The following CNTNAP5 variants were observed in gnomAD, a reference collection of about 807,000 sequenced individuals.
CNTNAP5 encodes the protein contactin associated protein family member 5.
Under a neutral mutation model 150.2 loss-of-function variants are expected in CNTNAP5, and 72 were observed. The observed-to-expected ratio is 0.48, with a 90% confidence interval of 0.40 to 0.58. The LOEUF is 0.58. Among genes scored for constraint, CNTNAP5 ranks in the 20% least tolerant of loss-of-function variants. CNTNAP5 has a pLI of 0.00. For synonymous variants in CNTNAP5, 672 were observed against 619.8 expected (o/e 1.08, Z -1.25); for missense variants, 1,636 against 1,626.2 (o/e 1.01, Z -0.10).
chr2:124,602,630 A>C (rs1375337413), intron 11 of CNTNAP5, among the ~76,000 whole-genome samples: 1 of 152,004 alleles, frequency 6.6e-6, no homozygotes, highest in Non-Finnish European at 1.5e-5. Context: ...GGTAGCTGAG[A>C]CTATAGGCAC....
At chr2:124,064,604 A>G (rs1323109805) in intron 1 of CNTNAP5, among the ~76,000 whole-genome samples, 1 of 152,140 alleles carries the variant, frequency 6.6e-6, no homozygotes, top group Non-Finnish European at 1.5e-5. Flanking sequence ...TTCTTGACTT[A>G]CAGAGCATCT....
chr2:124,453,974 A>T (rs767930150), intron 6 of CNTNAP5, among the ~76,000 whole-genome samples: 6 of 152,166 alleles, frequency 3.9e-5, no homozygotes, highest in Non-Finnish European at 8.8e-5. Context: ...CAAAAAATAC[A>T]ATTGAAAAAA....
In CNTNAP5 at chr2:124,815,124, T is replaced by C. The variant is rs796088258; in HGVS notation, c.3217+16804T>C. ...CCAGCTCTCCGTAGCAATAACTAAGTAAGCCTGGGTGTCCAGCAACATAGG... is the reference window on the plus strand; with the variant it reads ...CCAGCTCTCCGTAGCAATAACTAAGCAAGCCTGGGTGTCCAGCAACATAGG... On this transcript the variant is annotated intron_variant, in intron 19 of 23. Transcript: ENST00000682447. Among the ~76,000 whole-genome samples the C allele has an allele frequency of 9.8e-5, 15 of 152,322 alleles. 1 individual carries two copies. Among genetic ancestry groups the C allele is most frequent in the African/African-American group, 3.4e-4 (14 of 41,576 alleles).
chr2:124,770,619 T>G (rs1681169412), intron 16 of CNTNAP5, among the ~76,000 whole-genome samples: 1 of 152,322 alleles, frequency 6.6e-6, no homozygotes, highest in South Asian at 2.1e-4. Flanking sequence ...CAGGTGGCAC[T>G]GGTGATCTGA....
At chr2:124,796,543 G>A (rs918533473) in intron 18 of CNTNAP5, among the ~76,000 whole-genome samples, 2 of 152,156 alleles carry the variant, frequency 1.3e-5, no homozygotes, top group Non-Finnish European at 2.9e-5. Flanking sequence ...CACTTTCTCT[G>A]AACCTTTAGT....
chr2:124,753,994 C>A (rs1027929264), intron 14 of CNTNAP5, among the ~76,000 whole-genome samples: 18 of 152,166 alleles, frequency 1.2e-4, no homozygotes, highest in Non-Finnish European at 2.2e-4. Flanking sequence ...TCCCCAAGGG[C>A]CCTGCATTCC....
At chr2:124,553,708 C>T (rs972584716) in intron 10 of CNTNAP5, among the ~76,000 whole-genome samples, 1 of 152,066 alleles carries the variant, frequency 6.6e-6, no homozygotes, top group South Asian at 2.1e-4. Context: ...TTTGGGTGAA[C>T]AACTTGGCCA....
intron 14 of CNTNAP5, 78 bp from the exon 15 acceptor site, chr2:124,763,594 G>T: frequency 6.9e-7 from 1 of 1,446,766 alleles, no homozygotes. Context: ...AATCACTTCT[G>T]AAAAGAGGGG....
chr2:124,892,680 A>C (rs1301121436), intron 21 of CNTNAP5, among the ~76,000 whole-genome samples: 1 of 152,112 alleles, frequency 6.6e-6, no homozygotes, highest in Non-Finnish European at 1.5e-5. Context: ...TTGCTTGAAG[A>C]GCTAAGCAGG....
At chr2:124,033,997 A>G (rs62161934) in intron 1 of CNTNAP5, among the ~76,000 whole-genome samples, 2,763 of 152,292 alleles carry the variant, frequency 0.018, 34 homozygotes, top group Non-Finnish European at 0.029. Flanking sequence ...GGAAGGAGAA[A>G]GAACAGGGAT....
intron 11 of CNTNAP5, among the ~76,000 whole-genome samples, chr2:124,568,569 T>G (rs971164452): frequency 1.1e-4 from 16 of 152,206 alleles, no homozygotes; most frequent in African/African-American, 3.9e-4. Flanking sequence ...CTAAATATTA[T>G]TTTAATAACT....
rs757718414 is a variant in CNTNAP5 at position 124,789,944 on chromosome 2, G to A, written c.2795G>A (p.Arg932His). Residue 932 changes from arginine (R) to histidine (H), a missense_variant, in exon 18 of 24, where the codon CGC (arginine) becomes CAC (histidine). By Grantham distance (29) the Arg-to-His change is conservative. Coordinates refer to ENST00000682447, the MANE Select transcript of CNTNAP5 (RefSeq NM_001367498.1). Reference sequence around the variant, plus strand: ...CAGAAAGGCTTCCTAGGATGCATTCGCTCCTTACACTTGAATGGACAGAAA... The same window carrying A: ...CAGAAAGGCTTCCTAGGATGCATTCACTCCTTACACTTGAATGGACAGAAA... ...SRQKGFLGCI[R>H]SLHLNGQKMD... 8 of 1,613,566 alleles carry A rather than the reference G, an allele frequency of 5.0e-6. No homozygotes were observed. Among genetic ancestry groups the A allele is most frequent in the African/African-American group, 1.3e-5 (1 of 74,902 alleles).
At chr2:124,851,372 T>G (rs1047107958) in intron 19 of CNTNAP5, among the ~76,000 whole-genome samples, 6 of 152,140 alleles carry the variant, frequency 3.9e-5, no homozygotes, top group Admixed American at 1.3e-4. Flanking sequence ...AGAAAGAAAG[T>G]TGCAGAAGTT....
intron 6 of CNTNAP5, among the ~76,000 whole-genome samples, chr2:124,453,361 A>G (rs989711661): frequency 1.3e-5 from 2 of 151,900 alleles, no homozygotes; most frequent in Non-Finnish European, 2.9e-5. Context: ...ATATGAACAA[A>G]GCATCCAGGA....
At chr2:124,588,194 TTC>T (rs1696594390) in intron 11 of CNTNAP5, among the ~76,000 whole-genome samples, 1 of 122,356 alleles carries the variant, frequency 8.2e-6, no homozygotes, top group Admixed American at 8.8e-5. Flanking sequence ...CTTTCTTTCT[TTC>T]TTTCTTTCTT....
At chr2:124,558,586 T>G (rs1695812675) in intron 10 of CNTNAP5, among the ~76,000 whole-genome samples, 1 of 152,214 alleles carries the variant, frequency 6.6e-6, no homozygotes, top group Non-Finnish European at 1.5e-5. Flanking sequence ...AATCTTATTT[T>G]TGCTTTAAAA....
intron 13 of CNTNAP5, among the ~76,000 whole-genome samples, chr2:124,737,108 T>C (rs760648611): frequency 6.6e-6 from 1 of 151,944 alleles, no homozygotes; most frequent in African/African-American, 2.4e-5. Context: ...CTGACCAACA[T>C]AGAGAAACCC....
intron 1 of CNTNAP5, among the ~76,000 whole-genome samples, chr2:124,190,222 T>G (rs1685427274): frequency 6.6e-6 from 1 of 152,188 alleles, no homozygotes; most frequent in South Asian, 2.1e-4. Flanking sequence ...GTGGTCTGAA[T>G]AGGGATATAA....
intron 12 of CNTNAP5, among the ~76,000 whole-genome samples, chr2:124,616,283 G>A (rs180756667): frequency 6.6e-6 from 1 of 152,266 alleles, no homozygotes; most frequent in East Asian, 1.9e-4. Context: ...TACCTTATGG[G>A]TAACTTACAT....
Sources: gnomAD v4.1 joint callset for allele counts (sites outside exome capture counted in the v4.1 genomes callset) on GRCh38, gnomAD v4.1.1 for gene constraint, MANE v1.5 for transcripts, NCBI Gene and HGNC (gene_info 2026-07-23, HGNC 2026-07-21) for gene names.